The following IL7 variants were observed in gnomAD, a reference collection of about 807,000 sequenced individuals.
IL7 encodes the protein interleukin 7.
IL7 carries 3 observed loss-of-function variants against 21.6 expected under a neutral mutation model. That is an observed-to-expected ratio of 0.14 (90% CI 0.06 to 0.36). IL7 has a LOEUF of 0.36. IL7 is among the 10% of genes least tolerant of loss of function. The pLI is 1.00. For synonymous variants in IL7, 62 were observed against 68.1 expected (o/e 0.91, Z 0.44); for missense variants, 175 against 200.2 (o/e 0.87, Z 0.76).
intron 2 of IL7, among the ~76,000 whole-genome samples, chr8:78,772,576 T>A (rs1812994688): frequency 6.6e-6 from 1 of 152,048 alleles, no homozygotes. Flanking sequence ...CACGGATAGG[T>A]TCTTGGAAAC....
At chr8:78,758,597 C>T (rs965559095) in intron 2 of IL7, among the ~76,000 whole-genome samples, 10 of 151,980 alleles carry the variant, frequency 6.6e-5, no homozygotes, top group Non-Finnish European at 1.5e-4. Context: ...TTTCTCCATC[C>T]TTTTTAAAGG....
rs1022327745 is a variant in IL7 at position 78,770,715 on chromosome 8, G to A, written c.147+27357C>T. The stretch of plus-strand genomic sequence containing the variant: ...CACACACACACATACACACGCACAC[G>A]CACACAAGTGAGATAGGTAGGAAGA... On this transcript the variant is annotated intron_variant, in intron 2 of 5. Transcript: ENST00000263851. 1.2e-4 allele frequency among the ~76,000 whole-genome samples: 18 copies of A among 151,662 alleles called. No individual in the cohort carries two copies. In the South Asian group the frequency reaches 1.9e-3, roughly 16 times the overall value.
At chr8:78,722,399 A>C (rs1422526755) in intron 3 of IL7, among the ~76,000 whole-genome samples, 2 of 147,072 alleles carry the variant, frequency 1.4e-5, no homozygotes, top group African/African-American at 2.5e-5. Flanking sequence ...TTTTAATTTT[A>C]AAATTTTTAT....
At chr8:78,776,951 G>A (rs527950986) in intron 2 of IL7, among the ~76,000 whole-genome samples, 3 of 152,086 alleles carry the variant, frequency 2.0e-5, no homozygotes, top group South Asian at 4.2e-4. Context: ...TGATCTTCAT[G>A]GTGAATAGAA....
intron 2 of IL7, among the ~76,000 whole-genome samples, chr8:78,767,056 TAAC>T (rs1233548129): frequency 2.6e-5 from 4 of 152,146 alleles, no homozygotes; most frequent in African/African-American, 9.7e-5. Context: ...TCATGTTAAT[TAAC>T]AATTTGCATC....
At chr8:78,746,914 G>C in intron 2 of IL7, 2 of 387,112 alleles carry the variant, frequency 5.2e-6, no homozygotes, top group Non-Finnish European at 1.0e-5. Flanking sequence ...TATTCTTTGT[G>C]ATAGGACAGT....
chr8:78,794,150 T>C (rs1242908219), intron 2 of IL7, among the ~76,000 whole-genome samples: 4 of 152,090 alleles, frequency 2.6e-5, no homozygotes, highest in East Asian at 3.8e-4. Flanking sequence ...TATTTTGACC[T>C]CCTCCCATGA....
intron 2 of IL7, among the ~76,000 whole-genome samples, chr8:78,779,970 T>A (rs1813270003): frequency 1.3e-5 from 2 of 152,282 alleles, no homozygotes; most frequent in South Asian, 4.1e-4. Context: ...CTTGGGAGTA[T>A]ATATCTGTCC....
chr8:78,680,880 A>G (rs961902752), intron 4 of IL7, among the ~76,000 whole-genome samples: 1 of 152,148 alleles, frequency 6.6e-6, no homozygotes, highest in African/African-American at 2.4e-5. Context: ...GCAAGACAGA[A>G]ACTGGGAGGA....
chr8:78,694,047 G>A (rs1810312662), intron 3 of IL7, among the ~76,000 whole-genome samples: 1 of 152,124 alleles, frequency 6.6e-6, no homozygotes, highest in East Asian at 1.9e-4. Flanking sequence ...AGTTGTAGAT[G>A]TGTGACATTA....
In IL7 at chr8:78,681,308, T is replaced by C. The variant is rs373008325; in HGVS notation, n.273+4581A>G. ...TAGAAGCGATGAATAATAGAAAATA[T>C]ATTAGCTCAGCATTGATAAAAGATA... On this transcript the variant is annotated intron_variant and non_coding_transcript_variant, in intron 4 of 4. Transcript: ENST00000523959. 1.5e-4 allele frequency among the ~76,000 whole-genome samples: 23 copies of C among 152,210 alleles called. 1 individual carries two copies. The highest frequency in any genetic ancestry group is 9.6e-4 in the East Asian group (5 of 5,186).
At chr8:78,723,143 C>T (rs1811274039) in intron 3 of IL7, among the ~76,000 whole-genome samples, 1 of 148,378 alleles carries the variant, frequency 6.7e-6, no homozygotes, top group Non-Finnish European at 1.5e-5. Context: ...GTTCAAATCT[C>T]TGTAAAGAGA....
chr8:78,700,706 TCA>T (rs2130559001), intron 3 of IL7, among the ~76,000 whole-genome samples: 1 of 152,318 alleles, frequency 6.6e-6, no homozygotes, highest in South Asian at 2.1e-4. Context: ...GGATCCAGTT[TCA>T]GTCTTCTGCA....
intron 4 of IL7, among the ~76,000 whole-genome samples, chr8:78,681,624 A>G (rs991647821): frequency 5.9e-5 from 9 of 152,162 alleles, no homozygotes; most frequent in African/African-American, 2.2e-4. Flanking sequence ...TTGATGCTAG[A>G]TTTTTCTTAT....
downstream of IL7, among the ~76,000 whole-genome samples, chr8:78,729,134 T>C (rs887032252): frequency 1.3e-5 from 2 of 151,954 alleles, no homozygotes; most frequent in African/African-American, 4.8e-5. Context: ...TTGAGACCAA[T>C]AAAATATTTT....
chr8:78,710,916 T>A (rs1238846427), intron 3 of IL7, among the ~76,000 whole-genome samples: 28 of 152,104 alleles, frequency 1.8e-4, no homozygotes. Flanking sequence ...CAAAAATTAA[T>A]AAAATGTGTC....
chr8:78,691,494 G>GTATTTTT, intron 3 of IL7, among the ~76,000 whole-genome samples: 1 of 151,726 alleles, frequency 6.6e-6, no homozygotes, highest in East Asian at 1.9e-4. Context: ...TGCTATAATT[G>GTATTTTT]GTTTTTGTAT....
At chr8:78,757,121 T>C (rs560599467) in intron 2 of IL7, among the ~76,000 whole-genome samples, 2 of 152,174 alleles carry the variant, frequency 1.3e-5, no homozygotes, top group South Asian at 2.1e-4. Context: ...TTTTTCATTT[T>C]GATCTTCATT....
chr8:78,755,722 G>A (rs1165678281), intron 2 of IL7, among the ~76,000 whole-genome samples: 1 of 151,990 alleles, frequency 6.6e-6, no homozygotes, highest in East Asian at 1.9e-4. Context: ...TCAGTTCTAA[G>A]AGTTTCCTGG....
Sources: allele counts gnomAD v4.1 joint callset (sites outside exome capture counted in the v4.1 genomes callset), GRCh38; gene constraint gnomAD v4.1.1; transcripts MANE v1.5; gene names NCBI Gene and HGNC (gene_info 2026-07-23, HGNC 2026-07-21).